Variants in RNF168 observed in about 807,000 individuals in gnomAD.
RNF168 encodes the protein ring finger protein 168, also known as E3 ubiquitin-protein ligase RNF168.
In RNF168, 34 loss-of-function variants were observed where a neutral mutation model predicts 34.9. The observed-to-expected ratio is 0.97, with a 90% confidence interval of 0.74 to 1.30. The LOEUF is 1.30. Among genes scored for constraint, RNF168 ranks in the 50% most tolerant of loss-of-function variants. The pLI is 0.00. For missense variants in RNF168, 725 were observed against 682.5 expected, an observed-to-expected ratio of 1.06 and a Z score of -0.69; for synonymous variants, 264 against 254.7, an observed-to-expected ratio of 1.04 and a Z score of -0.35.
chr3:196,474,240 G>A (rs1732086365), intron 5 of RNF168, among the ~76,000 whole-genome samples: 1 of 146,830 alleles, frequency 6.8e-6, no homozygotes, highest in Non-Finnish European at 1.5e-5. Context: ...CAATACTCCT[G>A]CCTCAGCCTC....
chr3:196,486,281 G>A (rs916063372), intron 3 of RNF168, among the ~76,000 whole-genome samples: 4 of 152,150 alleles, frequency 2.6e-5, no homozygotes, highest in Non-Finnish European at 5.9e-5. Context: ...ATGTTATCAA[G>A]TGGAAAAAAT....
chr3:196,494,910 C>A (rs1043948173), intron 1 of RNF168, among the ~76,000 whole-genome samples: 1 of 152,078 alleles, frequency 6.6e-6, no homozygotes, highest in African/African-American at 2.4e-5. Flanking sequence ...GTGGTCCCAG[C>A]TACTCAGGAG....
At position 196,472,176 on chromosome 3, in the gene RNF168, A is replaced by C; in HGVS notation, c.1359T>G (p.Leu453=). 6.2e-7 allele frequency: 1 copy of C among 1,614,022 alleles called. No homozygotes were observed. Among genetic ancestry groups the C allele is most frequent in the Non-Finnish European group, 8.5e-7 (1 of 1,179,952 alleles). ...TTTGCTCTTTATCCACCTCCTTCTG[A>C]AGTTGTAATGCCAATAACCTGTCCT... is the stretch of plus-strand genomic sequence containing the variant. ...EEQDRLLALQ[L]QKEVDKEQMV... The change falls in exon 6 of 6, where the codon CTT becomes CTG. Residue 453 remains leucine (L), a synonymous_variant. Coordinates refer to ENST00000318037, the MANE Select transcript of RNF168 (RefSeq NM_152617.4).
intron 1 of RNF168, among the ~76,000 whole-genome samples, chr3:196,502,057 A>G (rs1309533308): frequency 6.9e-5 from 5 of 72,112 alleles, no homozygotes; most frequent in Non-Finnish European, 1.1e-4. Context: ...AAAATTAGAA[A>G]AAAAAAAAAA....
chr3:196,495,110 G>C (rs556175534), intron 1 of RNF168, among the ~76,000 whole-genome samples: 2 of 152,234 alleles, frequency 1.3e-5, no homozygotes, highest in South Asian at 4.1e-4. Context: ...TGCAAAAATA[G>C]TATGATAAAC....
rs1303717123 is a variant in RNF168, at chr3:196,472,389, A to G, written c.1146T>C (p.Ser382=). ...GGTTTTTTCTTTTGGAAATCTCCTT[A>G]CTGATCAGTAGGCACGACTCTTCAT... The part of the protein sequence containing the change: ...TENEESCLLI[S]KEISKRKNQE... Residue 382 remains serine (S), a synonymous_variant, in exon 6 of 6, where the codon AGT becomes AGC. Transcript: ENST00000318037. 8.1e-6 allele frequency: 13 copies of G among 1,613,816 alleles called. No individual in the cohort carries two copies. Among genetic ancestry groups the G allele is most frequent in the Non-Finnish European group, 1.1e-5 (13 of 1,179,936 alleles).
At chr3:196,499,487 A>G (rs1053585323) in intron 1 of RNF168, among the ~76,000 whole-genome samples, 1 of 152,034 alleles carries the variant, frequency 6.6e-6, no homozygotes, top group African/African-American at 2.4e-5. Context: ...AATTCCATTT[A>G]TATGAAGTTC....
At chr3:196,476,948 A>G (rs896165748) in intron 4 of RNF168, among the ~76,000 whole-genome samples, 3 of 151,564 alleles carry the variant, frequency 2.0e-5, no homozygotes, top group Non-Finnish European at 4.4e-5. Context: ...GGGTTTCACC[A>G]CGTTGGCCTG....
chr3:196,495,827 C>G lies in RNF168; in HGVS notation c.301+7046G>C, dbSNP rs1445700814. On this transcript the variant is annotated intron_variant, in intron 1 of 5. Coordinates refer to ENST00000318037, the MANE Select transcript of RNF168 (RefSeq NM_152617.4). The stretch of plus-strand genomic sequence containing the variant: ...CTGCATCAATTTTTACAGTGACAGT[C>G]GCAAACAGAAAGGAAATTTAGACAT... Among the ~76,000 whole-genome samples, 3 of 152,174 alleles carry G rather than the reference C, an allele frequency of 2.0e-5. No homozygotes were observed. In the East Asian group the frequency reaches 5.8e-4, roughly 29 times the overall value.
At chr3:196,475,171 G>A in intron 5 of RNF168, 60 bp downstream of exon 5, 1 of 923,172 alleles carries the variant, frequency 1.1e-6, no homozygotes, top group Non-Finnish European at 1.8e-6. Flanking sequence ...ACTATGGATA[G>A]CACTAATCTA....
intron 1 of RNF168, among the ~76,000 whole-genome samples, chr3:196,495,161 T>C (rs114732263): frequency 0.011 from 1,590 of 148,384 alleles, 32 homozygotes; most frequent in African/African-American, 0.037. Context: ...GTTTTTAAAC[T>C]GCCACATTGC....
chr3:196,480,829 G>C (rs1195875536), intron 4 of RNF168, among the ~76,000 whole-genome samples: 1 of 151,924 alleles, frequency 6.6e-6, no homozygotes, highest in Non-Finnish European at 1.5e-5. Context: ...TTTTTTTTAA[G>C]AGATAGGGTC....
At position 196,503,021 on chromosome 3, in the gene RNF168, A is replaced by G; in HGVS notation, c.153T>C (p.Cys51=). The G allele has an allele frequency of 1.2e-6, 2 of 1,614,098 alleles. No individual in the cohort carries two copies. The highest frequency in any genetic ancestry group is 1.7e-6 in the Non-Finnish European group (2 of 1,180,022). ...QSTVEKASLC[C]PFCRRRVSSW... Reference sequence around the variant, plus strand: ...ACGATACCCGGCGGCGACAGAAGGGACAGCATAAACTCGCCTTTTCGACGG... The same window carrying G: ...ACGATACCCGGCGGCGACAGAAGGGGCAGCATAAACTCGCCTTTTCGACGG... The change falls in exon 1 of 6, where the codon TGT becomes TGC. Residue 51 remains cysteine, a synonymous_variant. Coordinates refer to ENST00000318037, the MANE Select transcript of RNF168 (RefSeq NM_152617.4).
chr3:196,471,827 T>C lies in RNF168; in HGVS notation c.1708A>G (p.Thr570Ala), dbSNP rs1211574534. Residue 570 changes from threonine (T) to alanine (A), a missense_variant, in exon 6 of 6, where the codon ACA becomes GCA. By Grantham distance (58) the Thr-to-Ala change is moderately conservative. Transcript: ENST00000318037. Reference sequence around the variant, plus strand: ...ACTCCCTTTACCAGGCCTTACTTTGTGCATCTCTGAAACATCTGAAAAACA... The same window carrying C: ...ACTCCCTTTACCAGGCCTTACTTTGCGCATCTCTGAAACATCTGAAAAACA... Reference protein sequence around the residue: ...KSVFQMFQRCTK With the variant: ...KSVFQMFQRCAK 2 of 1,608,126 alleles carry C rather than the reference T, an allele frequency of 1.2e-6. No homozygotes were observed. The highest frequency in any genetic ancestry group is 1.3e-5 in the African/African-American group (1 of 74,796).
At chr3:196,482,257 AC>A (rs1732310410) in intron 4 of RNF168, among the ~76,000 whole-genome samples, 1 of 152,152 alleles carries the variant, frequency 6.6e-6, no homozygotes, top group African/African-American at 2.4e-5. Flanking sequence ...TAATTTTAAA[AC>A]TATATAATCC....
intron 1 of RNF168, among the ~76,000 whole-genome samples, chr3:196,497,204 T>C (rs1216618614): frequency 6.6e-6 from 1 of 152,148 alleles, no homozygotes; most frequent in Non-Finnish European, 1.5e-5. Context: ...GTGACACTAA[T>C]ATTAGAATCA....
intron 3 of RNF168, among the ~76,000 whole-genome samples, chr3:196,484,937 T>G (rs921847935): frequency 3.3e-5 from 5 of 152,210 alleles, no homozygotes; most frequent in Non-Finnish European, 2.9e-5. Context: ...ATTATAGGTC[T>G]GTGCCACTGT....
chr3:196,487,273 G>A, intron 3 of RNF168, 126 bp downstream of exon 3: 3 of 881,386 alleles, frequency 3.4e-6, no homozygotes, highest in Non-Finnish European at 5.8e-6. Context: ...AGCCTGGGGT[G>A]GAAAAGACAA....
chr3:196,487,549 T>C lies in RNF168; in HGVS notation c.408A>G (p.Glu136=), dbSNP rs1655432638. ...ATTCTTCACTGGCTTTGTTTTCTTC[T>C]TCCTCGCTGGCCCGTCGCTCTGCCG... ...KVAAERRASE[E]EENKASEEYI... The change falls in exon 3 of 6, where the codon GAA becomes GAG. Residue 136 remains glutamate, a synonymous_variant. Transcript: ENST00000318037. 1 of 1,614,114 alleles carries C rather than the reference T, an allele frequency of 6.2e-7. No homozygotes were observed. The highest frequency in any genetic ancestry group is 1.3e-5 in the African/African-American group (1 of 74,946).
Sources: allele counts gnomAD v4.1 joint callset (sites outside exome capture counted in the v4.1 genomes callset), GRCh38; gene constraint gnomAD v4.1.1; transcripts MANE v1.5; gene names NCBI Gene and HGNC (gene_info 2026-07-23, HGNC 2026-07-21).